Variants in ANXA10 observed in about 807,000 individuals in gnomAD.
The protein encoded by ANXA10 is annexin 14.
Under a neutral mutation model 53.5 loss-of-function variants are expected in ANXA10, and 49 were observed. That is an observed-to-expected ratio of 0.92 (90% CI 0.73 to 1.16). The LOEUF is 1.16. Among genes scored for constraint, ANXA10 ranks in the 50% most tolerant of loss-of-function variants. The pLI, the probability that ANXA10 is intolerant of heterozygous loss-of-function variation, is 0.00. For missense variants in ANXA10, 393 were observed against 394.4 expected, an observed-to-expected ratio of 1.00 and a Z score of 0.03; for synonymous variants, 131 against 128.9, an observed-to-expected ratio of 1.02 and a Z score of -0.11.
Position 168,153,467 on chromosome 4 carries a change from A to C in ANXA10, c.196-9061A>C, listed in dbSNP as rs550350375. The stretch of plus-strand genomic sequence containing the variant: ...CAAAAACAAAAACAAAACAAAAAAA[A>C]AAACCAATAACAACAACAAAATAAG... On this transcript the variant is annotated intron_variant, in intron 3 of 11. Transcript: ENST00000359299. Among the ~76,000 whole-genome samples, 20 of 118,080 alleles carry C rather than the reference A, an allele frequency of 1.7e-4. No homozygotes were observed. In the East Asian group the frequency reaches 3.9e-3, roughly 23 times the overall value. 77.5% of individuals were successfully genotyped at this position (118,080 alleles called of 152,430 possible).
intron 3 of ANXA10, among the ~76,000 whole-genome samples, chr4:168,145,204 C>A (rs754054807): frequency 1.1e-4 from 17 of 152,104 alleles, no homozygotes; most frequent in Non-Finnish European, 2.1e-4. Context: ...CAAGCACTGA[C>A]CCTAGGTTTT....
At chr4:168,178,718 C>A (rs1351626877) in intron 8 of ANXA10, among the ~76,000 whole-genome samples, 1 of 152,066 alleles carries the variant, frequency 6.6e-6, no homozygotes, top group Non-Finnish European at 1.5e-5. Context: ...CTTAATTTAA[C>A]ACAATTCTAA....
Position 168,129,912 on chromosome 4 carries a change from CAT to C in ANXA10, c.100+1748_100+1749del, listed in dbSNP as rs537137162. Among the ~76,000 whole-genome samples, 114 of 152,300 alleles carry C rather than the reference CAT, an allele frequency of 7.5e-4. 4 individuals carry two copies. The South Asian group carries it at 0.023, about 31-fold the overall frequency. The stretch of plus-strand genomic sequence containing the variant: ...ACCATTTTTATTTTGTATCTATTAA[CAT>C]GTGTAATTGCTAGGTCAGCCCTGTG... On this transcript the variant is annotated intron_variant, in intron 2 of 11. Coordinates refer to ENST00000359299, the MANE Select transcript of ANXA10 (RefSeq NM_007193.5).
chr4:168,098,916 T>C (rs1224789675), intron 1 of ANXA10, among the ~76,000 whole-genome samples: 1 of 152,140 alleles, frequency 6.6e-6, no homozygotes, highest in Non-Finnish European at 1.5e-5. Flanking sequence ...TCACAGCAAC[T>C]TTGGATTGGC....
At chr4:168,141,152 CAG>C (rs1285925063) in intron 3 of ANXA10, among the ~76,000 whole-genome samples, 2 of 152,182 alleles carry the variant, frequency 1.3e-5, no homozygotes, top group African/African-American at 4.8e-5. Context: ...TATAAAGTCT[CAG>C]AGTTTGTTAA....
chr4:168,166,847 T>C (rs1327671672), intron 6 of ANXA10, among the ~76,000 whole-genome samples: 1 of 152,010 alleles, frequency 6.6e-6, no homozygotes, highest in Admixed American at 6.6e-5. Flanking sequence ...CAATGCCTTT[T>C]AAAAAAAGAA....
At chr4:168,107,415 A>G (rs1408929316) in intron 1 of ANXA10, among the ~76,000 whole-genome samples, 1 of 152,172 alleles carries the variant, frequency 6.6e-6, no homozygotes, top group Non-Finnish European at 1.5e-5. Context: ...CCTAAAATAT[A>G]TTTTTGAACA....
chr4:168,119,441 G>T (rs557221987), intron 1 of ANXA10, among the ~76,000 whole-genome samples: 2 of 152,248 alleles, frequency 1.3e-5, no homozygotes, highest in East Asian at 1.9e-4. Flanking sequence ...GCAATCAATT[G>T]TCATAGAATC....
chr4:168,146,062 C>T (rs1005134191), intron 3 of ANXA10, among the ~76,000 whole-genome samples: 6 of 152,056 alleles, frequency 3.9e-5, no homozygotes, highest in Admixed American at 2.0e-4. Context: ...GTGCATGCCA[C>T]CACGCCCAGC....
intron 6 of ANXA10, among the ~76,000 whole-genome samples, chr4:168,168,836 C>T (rs1731929107): frequency 6.6e-6 from 1 of 152,142 alleles, no homozygotes; most frequent in African/African-American, 2.4e-5. Context: ...ATGATGATGA[C>T]TATATTAGGC....
intron 10 of ANXA10, 110 bp downstream of exon 10, chr4:168,181,851 T>A: frequency 1.2e-6 from 1 of 823,714 alleles, no homozygotes; most frequent in Non-Finnish European, 2.0e-6. Flanking sequence ...TGAACTTGTA[T>A]GTACAAAGAA....
chr4:168,181,346 A>G (rs1167362460), intron 9 of ANXA10, among the ~76,000 whole-genome samples: 2 of 147,532 alleles, frequency 1.4e-5, no homozygotes, highest in Admixed American at 1.4e-4. Flanking sequence ...AGCCGAGATT[A>G]CGCCACTGGA....
chr4:168,139,420 G>C, intron 2 of ANXA10, 66 bp from the exon 3 acceptor site: 1 of 1,350,708 alleles, frequency 7.4e-7, no homozygotes, highest in Non-Finnish European at 1.0e-6. Flanking sequence ...ATGATCGTTA[G>C]ATAAAGGATT....
intron 10 of ANXA10, among the ~76,000 whole-genome samples, chr4:168,183,009 G>GAAAAAAAAAAAAAAAAAAAAAAA (rs747151480): frequency 2.1e-5 from 2 of 93,384 alleles, no homozygotes; most frequent in African/African-American, 3.6e-5. Context: ...CACCGTCTCG[G>GAAAAAAAAAAAAAAAAAAAAAAA]AAAAAAAAAA....
chr4:168,177,676 C>T lies in ANXA10; in HGVS notation c.481-64C>T, dbSNP rs1377937790. 4.6e-6 allele frequency: 7 copies of T among 1,507,922 alleles called. No individual in the cohort carries two copies. The Admixed American group carries it at 5.0e-5, about 11-fold the overall frequency. The allele number at this position is 1,507,922 out of a possible 1,614,324, so 93.4% of individuals were successfully genotyped here. On this transcript the variant is annotated intron_variant, in intron 6 of 11. Transcript: ENST00000359299. ...GAATGTTTTTCAAGGATTTCAGTCT[C>T]ACTAATCCAATATGAGTTGCTGACT...
At chr4:168,105,216 G>A (rs533193699) in intron 1 of ANXA10, among the ~76,000 whole-genome samples, 2 of 151,742 alleles carry the variant, frequency 1.3e-5, no homozygotes, top group African/African-American at 4.8e-5. Flanking sequence ...TGTGACTCAG[G>A]TATTAAGCCT....
intron 3 of ANXA10, among the ~76,000 whole-genome samples, chr4:168,154,733 T>G (rs1731571815): frequency 1.3e-5 from 2 of 152,174 alleles, no homozygotes; most frequent in South Asian, 4.1e-4. Flanking sequence ...TTTGGTCGCA[T>G]ATAATTAGTG....
At chr4:168,184,848 GCTAA>G (rs1257597010) in intron 11 of ANXA10, among the ~76,000 whole-genome samples, 167 bp downstream of exon 11, 1 of 152,170 alleles carries the variant, frequency 6.6e-6, no homozygotes, top group Non-Finnish European at 1.5e-5. Flanking sequence ...ATCGGCAGGT[GCTAA>G]CTTAGAAAAC....
At chr4:168,106,486 G>A (rs748498200) in intron 1 of ANXA10, among the ~76,000 whole-genome samples, 2 of 151,922 alleles carry the variant, frequency 1.3e-5, no homozygotes, top group Non-Finnish European at 2.9e-5. Flanking sequence ...ATTCCAGACA[G>A]GTGCTAAAGA....
Sources: gnomAD v4.1 joint callset for allele counts (sites outside exome capture counted in the v4.1 genomes callset) on GRCh38, gnomAD v4.1.1 for gene constraint, MANE v1.5 for transcripts, NCBI Gene and HGNC (gene_info 2026-07-23, HGNC 2026-07-21) for gene names.